Variants in GPHN observed in about 807,000 individuals in gnomAD.
GPHN encodes gephyrin.
In GPHN, 17 loss-of-function variants were observed where a neutral mutation model predicts 95.5. The ratio of observed to expected loss-of-function variants is 0.18; its 90% confidence interval spans 0.12 to 0.27. The LOEUF is 0.27. GPHN is among the 10% of genes least tolerant of loss of function. The pLI, the probability that GPHN is intolerant of heterozygous loss-of-function variation, is 1.00. For missense variants in GPHN, 660 were observed against 978.1 expected (o/e 0.67, Z 4.34); for synonymous variants, 320 against 322.5 (o/e 0.99, Z 0.08).
chr14:66,896,991 T>C (rs1478382253), intron 5 of GPHN, among the ~76,000 whole-genome samples: 1 of 152,154 alleles, frequency 6.6e-6, no homozygotes, highest in Non-Finnish European at 1.5e-5. Context: ...CTTCAGCTGA[T>C]ACATATGAAA....
chr14:66,584,234 G>T (rs201658410), intron 1 of GPHN, among the ~76,000 whole-genome samples: 47,746 of 151,860 alleles, frequency 0.31, 11,522 homozygotes, highest in African/African-American at 0.65. Flanking sequence ...TGCACATTGA[G>T]TTTGTATCCT....
intron 1 of GPHN, among the ~76,000 whole-genome samples, chr14:66,621,448 A>G (rs756927537): frequency 4.2e-5 from 6 of 142,082 alleles, no homozygotes; most frequent in Non-Finnish European, 9.1e-5. Context: ...TTTTTGAGAC[A>G]GAGTCTCCCT....
chr14:67,305,820 T>TTAAGAATAAAAGGCTGGTTTAATCTG, the GPHN span, among the ~76,000 whole-genome samples: 1 of 152,214 alleles, frequency 6.6e-6, no homozygotes. Context: ...TCATTATTGA[T>TTAAGAATAAAAGGCTGGTTTAATCTG]TAAGAATAAA....
the GPHN span, among the ~76,000 whole-genome samples, chr14:67,313,968 C>T: frequency 6.8e-6 from 1 of 146,486 alleles, no homozygotes; most frequent in Admixed American, 6.8e-5. Context: ...AGAAAACAAA[C>T]AAAAATTAAA....
At chr14:66,709,492 G>GTGAATTCA (rs1195189691) in intron 2 of GPHN, 1 of 440,308 alleles carries the variant, frequency 2.3e-6, no homozygotes, top group Non-Finnish European at 4.6e-6. Context: ...CCTATACAAT[G>GTGAATTCA]TGAATTCACT....
At chr14:67,473,785 C>T in the GPHN span, 1 of 1,613,978 alleles carries the variant, frequency 6.2e-7, no homozygotes, top group Non-Finnish European at 8.5e-7. This position sits in a 1 kb window ranked among gnomAD's most constrained non-coding sequence, Gnocchi z 6.5. Context: ...AGGGCCCACA[C>T]GCTCGTGACC....
At chr14:67,393,153 G>A in the GPHN span, 1 of 1,609,720 alleles carries the variant, frequency 6.2e-7, no homozygotes. Flanking sequence ...GGCTCACCGA[G>A]GAAGGTCTTT....
intron 2 of GPHN, among the ~76,000 whole-genome samples, chr14:66,739,710 C>T (rs9323478): frequency 0.31 from 47,805 of 151,804 alleles, 11,510 homozygotes; most frequent in African/African-American, 0.65. Flanking sequence ...CCACTGAACA[C>T]GAAAAGCTAC....
In GPHN at chr14:67,168,997, G is replaced by A. The variant is rs2082439496; in HGVS notation, c.2040G>A (p.Gln680=). The A allele has an allele frequency of 1.9e-6, 3 of 1,613,622 alleles. No homozygotes were observed. Among genetic ancestry groups the A allele is most frequent in the East Asian group, 4.5e-5 (2 of 44,878 alleles). ...TTGTGCCTGCACTGAGGAAAATGCA[G>A]GGCATCTTGGATCCTCGGCCAACCA... ...LFVVPALRKM[Q]GILDPRPTII... The change falls in exon 21 of 23, where the codon CAG becomes CAA. Residue 680 remains glutamine, a synonymous_variant. Coordinates refer to ENST00000478722, the MANE Select transcript of GPHN (RefSeq NM_020806.5).
At chr14:67,560,709 A>G in the GPHN span, among the ~76,000 whole-genome samples, 1 of 151,708 alleles carries the variant, frequency 6.6e-6, no homozygotes, top group Non-Finnish European at 1.5e-5. Context: ...TGCAGTTTGG[A>G]AAAGGATGAA....
chr14:67,576,523 C>CCTTGCCTT, the GPHN span: 1 of 1,245,950 alleles, frequency 8.0e-7, no homozygotes, highest in Non-Finnish European at 1.2e-6. This position sits in a 1 kb window ranked among gnomAD's most constrained non-coding sequence, Gnocchi z 4.0. Flanking sequence ...GGGTGGCCAC[C>CCTTGCCTT]ACTGCTTGGG....
the GPHN span, among the ~76,000 whole-genome samples, chr14:67,581,314 A>G: frequency 6.6e-6 from 1 of 152,134 alleles, no homozygotes; most frequent in Admixed American, 6.5e-5. Context: ...ATCTGCCAAG[A>G]AAACAGACCA....
chr14:67,381,558 A>AT, the GPHN span: 5 of 1,563,698 alleles, frequency 3.2e-6, no homozygotes, highest in African/African-American at 4.1e-5. Context: ...TATTTTTTGC[A>AT]TTTTTTATCA....
intron 2 of GPHN, among the ~76,000 whole-genome samples, chr14:66,724,524 A>G (rs541085946): frequency 3.0e-4 from 45 of 152,198 alleles, no homozygotes; most frequent in African/African-American, 8.7e-4. Flanking sequence ...GAGGGGCTGG[A>G]GTGGGAAGGG....
the GPHN span, among the ~76,000 whole-genome samples, chr14:67,481,316 C>T: frequency 2.0e-5 from 3 of 152,040 alleles, no homozygotes; most frequent in Admixed American, 6.6e-5. Context: ...AACAAAAAAG[C>T]GAGATGGGGG....
At chr14:67,576,537 G>A in the GPHN span, 2 of 1,045,238 alleles carry the variant, frequency 1.9e-6, no homozygotes, top group South Asian at 2.5e-5. This position sits in a 1 kb window ranked among gnomAD's most constrained non-coding sequence, Gnocchi z 4.0. Flanking sequence ...GCTTGGGTTG[G>A]AGGGTAGTGG....
chr14:67,374,555 G>A, the GPHN span: 2 of 1,587,066 alleles, frequency 1.3e-6, no homozygotes, highest in Non-Finnish European at 1.7e-6. Context: ...ACTGTAAGTT[G>A]ATCTTTGAGT....
At chr14:67,630,198 G>A in the GPHN span, among the ~76,000 whole-genome samples, 1 of 152,192 alleles carries the variant, frequency 6.6e-6, no homozygotes, top group African/African-American at 2.4e-5. Flanking sequence ...AAGTAATTGC[G>A]GTTTTTGCTG....
intron 4 of GPHN, among the ~76,000 whole-genome samples, chr14:66,854,948 A>G (rs1256702203): frequency 6.6e-6 from 1 of 151,774 alleles, no homozygotes; most frequent in Non-Finnish European, 1.5e-5. Flanking sequence ...CCCGGATTCA[A>G]GCGATTCTCC....
Sources: allele counts gnomAD v4.1 joint callset (sites outside exome capture counted in the v4.1 genomes callset), GRCh38; gene constraint gnomAD v4.1.1; non-coding constraint Gnocchi (gnomAD v3.1); transcripts MANE v1.5; gene names NCBI Gene and HGNC (gene_info 2026-07-23, HGNC 2026-07-21).